Variants in PIP5K1A observed in about 807,000 individuals in gnomAD.
PIP5K1A encodes the protein phosphatidylinositol-4-phosphate 5-kinase type 1 alpha.
Under a neutral mutation model 72.9 loss-of-function variants are expected in PIP5K1A, and 46 were observed. That is an observed-to-expected ratio of 0.63 (90% CI 0.50 to 0.81). The LOEUF (loss-of-function observed/expected upper bound fraction) is 0.81. PIP5K1A is among the 30% of genes least tolerant of loss of function. PIP5K1A has a pLI of 0.00. For missense variants in PIP5K1A, 458 were observed against 706.1 expected (o/e 0.65, Z 3.98); for synonymous variants, 228 against 255.1 (o/e 0.89, Z 1.01).
chr1:151,205,937 T>C (rs1366197902), intron 1 of PIP5K1A, among the ~76,000 whole-genome samples: 1 of 152,160 alleles, frequency 6.6e-6, no homozygotes, highest in Non-Finnish European at 1.5e-5. Flanking sequence ...AATCTTTGTT[T>C]TTCTGTGCTC....
At chr1:151,222,551 A>G (rs775575586) in intron 1 of PIP5K1A, among the ~76,000 whole-genome samples, 1 of 152,056 alleles carries the variant, frequency 6.6e-6, no homozygotes, top group South Asian at 2.1e-4. Context: ...AACTTTATTC[A>G]GTGACTTTTT....
intron 3 of PIP5K1A, 72 bp downstream of exon 3, chr1:151,224,478 T>C: frequency 3.6e-6 from 4 of 1,122,604 alleles, no homozygotes; most frequent in Non-Finnish European, 5.4e-6. Flanking sequence ...TCACATTTAT[T>C]GAGCATTTTT....
intron 1 of PIP5K1A, among the ~76,000 whole-genome samples, chr1:151,218,447 A>G (rs1445382502): frequency 6.6e-6 from 1 of 152,182 alleles, no homozygotes; most frequent in East Asian, 1.9e-4. Context: ...CATATTGTCC[A>G]TTAGCAAATC....
intron 7 of PIP5K1A, among the ~76,000 whole-genome samples, chr1:151,233,942 G>T (rs760088932): frequency 4.6e-5 from 7 of 152,134 alleles, no homozygotes; most frequent in Non-Finnish European, 1.0e-4. Flanking sequence ...TCTCTCTGAA[G>T]AAATATATCC....
Position 151,239,953 on chromosome 1 carries a change from A to G in PIP5K1A, c.1279-2A>G, listed in dbSNP as rs1244281925. Reference sequence around the variant, plus strand: ...CTCTATAGCATTTCTTCTGCTCTGCAGGACACTGTCTCAGTGCATCGCCCA... The same window carrying G: ...CTCTATAGCATTTCTTCTGCTCTGCGGGACACTGTCTCAGTGCATCGCCCA... On this transcript the variant is annotated splice_acceptor_variant, in intron 11 of 15. Coordinates refer to ENST00000368888, the MANE Select transcript of PIP5K1A (RefSeq NM_001135638.2). LOFTEE classifies it high-confidence loss of function. The G allele has an allele frequency of 6.2e-7, 1 of 1,609,736 alleles. No homozygotes were observed. Among genetic ancestry groups the G allele is most frequent in the Non-Finnish European group, 8.5e-7 (1 of 1,176,346 alleles).
chr1:151,228,485 G>A lies in PIP5K1A; in HGVS notation c.237+1085G>A, dbSNP rs587668560. ...CCACAAAGACAGTCATTTAGCTGGC[G>A]AATAGTACCTAGGACATCTGCTTTT... On this transcript the variant is annotated intron_variant, in intron 4 of 15. Coordinates refer to ENST00000368888, the MANE Select transcript of PIP5K1A (RefSeq NM_001135638.2). Among the ~76,000 whole-genome samples the A allele has an allele frequency of 6.6e-5, 10 of 152,186 alleles. No individual in the cohort carries two copies. The South Asian group carries it at 8.3e-4, about 13-fold the overall frequency.
chr1:151,224,687 A>G (rs1014066519), intron 3 of PIP5K1A, among the ~76,000 whole-genome samples: 5 of 152,206 alleles, frequency 3.3e-5, no homozygotes, highest in Non-Finnish European at 7.3e-5. Context: ...GCAGTCTGAC[A>G]CTAAAGCTCA....
At chr1:151,200,577 G>A (rs587596398) in intron 1 of PIP5K1A, among the ~76,000 whole-genome samples, 3 of 152,066 alleles carry the variant, frequency 2.0e-5, no homozygotes, top group Non-Finnish European at 4.4e-5. Flanking sequence ...TTGCGTTTTT[G>A]CTGTTTAGAA....
chr1:151,209,756 C>T (rs587619019), intron 1 of PIP5K1A, among the ~76,000 whole-genome samples: 9 of 151,110 alleles, frequency 6.0e-5, no homozygotes, highest in South Asian at 2.1e-4. Context: ...TTAGTAGAGA[C>T]GGGGTTTCAC....
chr1:151,208,933 C>T (rs1349174648), intron 1 of PIP5K1A, among the ~76,000 whole-genome samples: 3 of 150,750 alleles, frequency 2.0e-5, no homozygotes, highest in Admixed American at 6.6e-5. Flanking sequence ...GGTGTTTCAC[C>T]GTGTTAGCCA....
At chr1:151,210,554 A>C (rs1418964267) in intron 1 of PIP5K1A, among the ~76,000 whole-genome samples, 2 of 152,072 alleles carry the variant, frequency 1.3e-5, no homozygotes, top group Non-Finnish European at 2.9e-5. Context: ...AAAGCTGCTT[A>C]TCTCTTTGTG....
At chr1:151,213,092 C>G (rs1687077084) in intron 1 of PIP5K1A, among the ~76,000 whole-genome samples, 2 of 152,042 alleles carry the variant, frequency 1.3e-5, no homozygotes, top group African/African-American at 4.8e-5. Flanking sequence ...CGGGGTTTCA[C>G]TGTGTTAGCC....
chr1:151,229,167 C>CA (rs34356281), intron 4 of PIP5K1A, among the ~76,000 whole-genome samples: 19,671 of 41,278 alleles, frequency 0.48, 6,844 homozygotes, highest in East Asian at 0.59. Context: ...GACCCCGTCT[C>CA]AAAAAAAAAA....
intron 15 of PIP5K1A, among the ~76,000 whole-genome samples, chr1:151,247,226 T>C (rs1692635953): frequency 6.6e-6 from 1 of 151,310 alleles, no homozygotes. Flanking sequence ...CCTCCTGGGT[T>C]CAAGCAGTTC....
rs755746018 is a variant in PIP5K1A, at chr1:151,221,915, G to T, written c.86-2330G>T. On this transcript the variant is annotated intron_variant, in intron 1 of 15. Coordinates refer to ENST00000368888, the MANE Select transcript of PIP5K1A (RefSeq NM_001135638.2). ...AGTGAGACCTCATATCTACAAAAAA[G>T]AATAATAGCAAAAAAAGCAAAATCA... 8.6e-5 allele frequency among the ~76,000 whole-genome samples: 13 copies of T among 151,900 alleles called. No individual in the cohort carries two copies. The South Asian group carries it at 2.5e-3, about 29-fold the overall frequency.
chr1:151,238,523 A>C (rs1468316816), intron 10 of PIP5K1A: 1 of 445,926 alleles, frequency 2.2e-6, no homozygotes, highest in Non-Finnish European at 4.1e-6. Flanking sequence ...CCTTGGAAGC[A>C]CCAGGGTAGA....
At chr1:151,199,161 T>C in intron 1 of PIP5K1A, 80 bp downstream of exon 1, 3 of 1,606,288 alleles carry the variant, frequency 1.9e-6, no homozygotes, top group Non-Finnish European at 2.5e-6. Flanking sequence ...AGGGTACCTG[T>C]AGCTGGGAAT....
intron 8 of PIP5K1A, 24 bp from the exon 9 acceptor site, chr1:151,236,534 A>G: frequency 2.0e-6 from 3 of 1,499,056 alleles, no homozygotes; most frequent in Non-Finnish European, 2.8e-6. Context: ...CAAGGCTCAG[A>G]TCATGTTTTT....
At chr1:151,216,067 C>T (rs1280749757) in intron 1 of PIP5K1A, 1 of 842,604 alleles carries the variant, frequency 1.2e-6, no homozygotes. Flanking sequence ...GCCAATTCCT[C>T]TTCCCCATAA....
Sources: allele counts gnomAD v4.1 joint callset (sites outside exome capture counted in the v4.1 genomes callset), GRCh38; gene constraint gnomAD v4.1.1; transcripts MANE v1.5; gene names NCBI Gene and HGNC (gene_info 2026-07-23, HGNC 2026-07-21).